Variants in ZNF804B observed in about 807,000 individuals in gnomAD.
The protein encoded by ZNF804B is zinc finger protein 804B.
In ZNF804B, 80 loss-of-function variants were observed where a neutral mutation model predicts 101.4. The ratio of observed to expected loss-of-function variants is 0.79; its 90% CI spans 0.66 to 0.95. The LOEUF is 0.95. Among genes scored for constraint, ZNF804B ranks in the 40% least tolerant of loss-of-function variants. ZNF804B has a pLI of 0.00. For missense variants in ZNF804B, 1,673 were observed against 1,561.9 expected (o/e 1.07, Z -1.20); for synonymous variants, 622 against 558.8 (o/e 1.11, Z -1.59).
intron 2 of ZNF804B, among the ~76,000 whole-genome samples, chr7:89,246,497 T>C (rs997999977): frequency 9.2e-5 from 14 of 152,136 alleles, no homozygotes; most frequent in Admixed American, 5.9e-4. Context: ...TTGAAGCAGC[T>C]ACTCATCTGG....
At chr7:89,136,987 A>G (rs1315007121) in intron 1 of ZNF804B, among the ~76,000 whole-genome samples, 1 of 152,082 alleles carries the variant, frequency 6.6e-6, no homozygotes, top group Non-Finnish European at 1.5e-5. Flanking sequence ...CAACCACGTA[A>G]GAAATGACTT....
chr7:89,109,517 C>A (rs1790182751), intron 1 of ZNF804B, among the ~76,000 whole-genome samples: 1 of 152,150 alleles, frequency 6.6e-6, no homozygotes, highest in South Asian at 2.1e-4. Context: ...CCCTTTGCAC[C>A]CAGTTACTAG....
At chr7:89,292,647 A>G (rs2115900317) in intron 2 of ZNF804B, among the ~76,000 whole-genome samples, 1 of 152,142 alleles carries the variant, frequency 6.6e-6, no homozygotes, top group South Asian at 2.1e-4. Flanking sequence ...GTAAAGAACG[A>G]AGACCACAAA....
intron 2 of ZNF804B, among the ~76,000 whole-genome samples, chr7:89,297,760 G>A (rs1275213642): frequency 6.6e-6 from 1 of 151,800 alleles, no homozygotes; most frequent in East Asian, 1.9e-4. Flanking sequence ...CTAACCATTT[G>A]AGAGGATATT....
chr7:88,899,896 T>G (rs931999106), intron 1 of ZNF804B, among the ~76,000 whole-genome samples: 8 of 152,164 alleles, frequency 5.3e-5, no homozygotes, highest in Non-Finnish European at 1.0e-4. Context: ...GTTTACATAT[T>G]TTATGAGATA....
chr7:88,954,296 G>A (rs974073199), intron 1 of ZNF804B, among the ~76,000 whole-genome samples: 2 of 151,582 alleles, frequency 1.3e-5, no homozygotes, highest in Non-Finnish European at 3.0e-5. Flanking sequence ...AGCCAAAATA[G>A]GAATGTGAAT....
intron 2 of ZNF804B, among the ~76,000 whole-genome samples, chr7:89,322,479 C>T (rs892699489): frequency 4.6e-5 from 7 of 152,016 alleles, no homozygotes; most frequent in African/African-American, 1.7e-4. Context: ...AAGCATACTA[C>T]TAAATAATAT....
At chr7:89,155,086 A>C (rs1271647300) in intron 1 of ZNF804B, among the ~76,000 whole-genome samples, 1 of 152,128 alleles carries the variant, frequency 6.6e-6, no homozygotes, top group Non-Finnish European at 1.5e-5. Flanking sequence ...CATATATCTT[A>C]TTGTATGTTT....
chr7:88,828,232 A>C (rs1489880590), intron 1 of ZNF804B, among the ~76,000 whole-genome samples: 1 of 152,136 alleles, frequency 6.6e-6, no homozygotes, highest in African/African-American at 2.4e-5. Context: ...CAACCATTTT[A>C]AGTGCACATT....
At chr7:89,268,461 C>T (rs1466777713) in intron 2 of ZNF804B, among the ~76,000 whole-genome samples, 2 of 152,078 alleles carry the variant, frequency 1.3e-5, no homozygotes, top group African/African-American at 2.4e-5. Context: ...ACATTGCAAA[C>T]ATTTCATGAC....
intron 2 of ZNF804B, among the ~76,000 whole-genome samples, chr7:89,287,574 G>T (rs563282208): frequency 7.2e-5 from 11 of 152,052 alleles, no homozygotes; most frequent in Non-Finnish European, 1.3e-4. Flanking sequence ...TTTGTTGGGG[G>T]CACCTAAAGA....
intron 1 of ZNF804B, among the ~76,000 whole-genome samples, chr7:88,898,859 G>C (rs1315328991): frequency 6.6e-6 from 1 of 152,126 alleles, no homozygotes; most frequent in African/African-American, 2.4e-5. Context: ...CAGGGTGATA[G>C]CTTCACTGGT....
chr7:88,854,398 T>C lies in ZNF804B; in HGVS notation c.108+94314T>C, dbSNP rs913798560. The stretch of plus-strand genomic sequence containing the variant: ...TCTTTCTGTACTGCATTTCTTTCTT[T>C]CTTTCTTTCTTTCTTCCTTTCTTTC... On this transcript the variant is annotated intron_variant, in intron 1 of 3. Transcript: ENST00000333190. Among the ~76,000 whole-genome samples the C allele has an allele frequency of 2.5e-3, 335 of 134,838 alleles. 19 individuals carry two copies. The highest frequency in any genetic ancestry group is 9.9e-3 in the African/African-American group (320 of 32,282). The allele number at this position is 134,838 out of a possible 152,430, so 88.5% of individuals were successfully genotyped here.
rs112228610 is a variant in ZNF804B at position 89,163,655 on chromosome 7, G to C, written c.109-54500G>C. On this transcript the variant is annotated intron_variant, in intron 1 of 3. Coordinates refer to ENST00000333190, the MANE Select transcript of ZNF804B (RefSeq NM_181646.5). The stretch of plus-strand genomic sequence containing the variant: ...AGCAGTTATAACGGAAACAGCATTG[G>C]TCACTTTTAGCAAAAAAAAATGTAT... Among the ~76,000 whole-genome samples the C allele has an allele frequency of 6.6e-3, 977 of 148,076 alleles. 10 individuals are homozygous for C. Among genetic ancestry groups the C allele is most frequent in the African/African-American group, 0.023 (920 of 40,674 alleles).
At chr7:89,221,009 G>A (rs1046413038) in intron 2 of ZNF804B, among the ~76,000 whole-genome samples, 7 of 151,746 alleles carry the variant, frequency 4.6e-5, no homozygotes, top group Non-Finnish European at 1.0e-4. Context: ...ATATATTAGA[G>A]GGTATTTTGT....
At chr7:89,230,990 C>A (rs1041938219) in intron 2 of ZNF804B, among the ~76,000 whole-genome samples, 1 of 152,006 alleles carries the variant, frequency 6.6e-6, no homozygotes, top group African/African-American at 2.4e-5. Flanking sequence ...ATTTTGAATG[C>A]AAATCCTTTA....
chr7:88,845,991 G>A (rs778830580), intron 1 of ZNF804B, among the ~76,000 whole-genome samples: 4 of 152,176 alleles, frequency 2.6e-5, no homozygotes, highest in Non-Finnish European at 5.9e-5. Context: ...CAACATAGAA[G>A]TCTGAGATCT....
At chr7:88,854,143 T>C (rs1398775535) in intron 1 of ZNF804B, among the ~76,000 whole-genome samples, 1 of 152,196 alleles carries the variant, frequency 6.6e-6, no homozygotes, top group African/African-American at 2.4e-5. Flanking sequence ...AGCTAACCTT[T>C]GTTTATTTTT....
At chr7:88,794,339 G>C (rs148216190) in intron 1 of ZNF804B, 4 of 1,613,742 alleles carry the variant, frequency 2.5e-6, no homozygotes, top group Non-Finnish European at 3.4e-6. Context: ...GGTGCAACTT[G>C]GTGTAAGTTA....
Sources: allele counts gnomAD v4.1 joint callset (sites outside exome capture counted in the v4.1 genomes callset), GRCh38; gene constraint gnomAD v4.1.1; transcripts MANE v1.5; gene names NCBI Gene and HGNC (gene_info 2026-07-23, HGNC 2026-07-21).